The following NAALADL2 variants were observed in gnomAD, a reference collection of about 807,000 sequenced individuals.
NAALADL2 encodes the protein N-acetylated alpha-linked acidic dipeptidase like 2, also known as inactive N-acetylated-alpha-linked acidic dipeptidase-like protein 2.
A neutral mutation model predicts 87.2 loss-of-function variants in NAALADL2; 76 were observed. The observed-to-expected ratio is 0.87, with a 90% CI of 0.72 to 1.05. NAALADL2 has a LOEUF of 1.05. Ranked by LOEUF, NAALADL2 falls within the 50% of genes least tolerant of loss-of-function variation. The pLI, the probability that NAALADL2 is intolerant of heterozygous loss-of-function variation, is 0.00. For synonymous variants in NAALADL2, 354 were observed against 331.0 expected, an observed-to-expected ratio of 1.07 and a Z score of -0.75; for missense variants, 1,089 against 945.8, an observed-to-expected ratio of 1.15 and a Z score of -1.99.
chr3:175,698,406 TTTATGTATGTATAC>T (rs1738383570), intron 11 of NAALADL2, among the ~76,000 whole-genome samples: 1 of 84,754 alleles, frequency 1.2e-5, no homozygotes, highest in African/African-American at 1.1e-4. Context: ...TGTATGTGTA[TTTATGTATGTATAC>T]ATATGTATGT....
At chr3:175,571,203 A>G (rs1320288832) in intron 9 of NAALADL2, among the ~76,000 whole-genome samples, 2 of 152,176 alleles carry the variant, frequency 1.3e-5, no homozygotes, top group Non-Finnish European at 2.9e-5. Flanking sequence ...TTAAAACTGT[A>G]CTTGCAAAGA....
chr3:175,626,679 G>T (rs953223462), intron 10 of NAALADL2, among the ~76,000 whole-genome samples: 1 of 151,662 alleles, frequency 6.6e-6, no homozygotes, highest in Non-Finnish European at 1.5e-5. Context: ...GACTCCCATG[G>T]AATAACAGTT....
chr3:175,199,858 ATATATATTTTTTTTTTTT>A (rs1212816293), intron 2 of NAALADL2, among the ~76,000 whole-genome samples: 56 of 17,698 alleles, frequency 3.2e-3, no homozygotes, highest in Admixed American at 9.2e-3. Context: ...ATATATATAT[ATATATATTTTTTTTTTTT>A]TTTTTTTTTT....
intron 10 of NAALADL2, among the ~76,000 whole-genome samples, chr3:175,588,173 A>T (rs1720823681): frequency 6.6e-6 from 1 of 152,060 alleles, no homozygotes; most frequent in Non-Finnish European, 1.5e-5. Context: ...AAGTATGTAT[A>T]TTCTTTAATA....
chr3:174,544,656 C>T (rs531499170), intron 1 of NAALADL2, among the ~76,000 whole-genome samples: 8 of 149,704 alleles, frequency 5.3e-5, no homozygotes, highest in East Asian at 2.0e-4. Flanking sequence ...CTGCAACCTC[C>T]GTCTCCAGGG....
intron 2 of NAALADL2, among the ~76,000 whole-genome samples, chr3:174,734,615 C>T (rs1010051641): frequency 3.9e-5 from 6 of 152,084 alleles, no homozygotes; most frequent in East Asian, 1.9e-4. Context: ...CACCAACATC[C>T]GGTCCATAAC....
chr3:175,098,867 C>A (rs764460509), intron 2 of NAALADL2, among the ~76,000 whole-genome samples: 3 of 148,266 alleles, frequency 2.0e-5, no homozygotes, highest in Non-Finnish European at 4.5e-5. Context: ...GCATTAATTT[C>A]TTTTTAATGG....
At chr3:174,707,121 C>T (rs1306776083) in intron 2 of NAALADL2, among the ~76,000 whole-genome samples, 5 of 152,140 alleles carry the variant, frequency 3.3e-5, no homozygotes, top group Non-Finnish European at 5.9e-5. Flanking sequence ...GTTAGAATGG[C>T]AGTCATTAAA....
chr3:174,601,874 GT>G, intron 2 of NAALADL2, among the ~76,000 whole-genome samples: 1 of 152,114 alleles, frequency 6.6e-6, no homozygotes, highest in East Asian at 1.9e-4. Context: ...GGATATCTAG[GT>G]TTTCTAACAC....
At chr3:174,609,327 G>A (rs1296843411) in intron 2 of NAALADL2, among the ~76,000 whole-genome samples, 3 of 152,210 alleles carry the variant, frequency 2.0e-5, no homozygotes, top group African/African-American at 4.8e-5. Flanking sequence ...AATTACGCAG[G>A]AGAAGGAAAT....
intron 4 of NAALADL2, among the ~76,000 whole-genome samples, chr3:175,289,750 CAGG>C (rs1327354886): frequency 6.6e-6 from 1 of 152,012 alleles, no homozygotes; most frequent in Non-Finnish European, 1.5e-5. Context: ...CACTTGAGCC[CAGG>C]AGTTTGAATC....
intron 2 of NAALADL2, among the ~76,000 whole-genome samples, chr3:174,616,570 G>A (rs1720478471): frequency 6.6e-6 from 1 of 151,844 alleles, no homozygotes; most frequent in South Asian, 2.1e-4. Flanking sequence ...ATAGAATAAT[G>A]TAGGAAGCTG....
intron 5 of NAALADL2, among the ~76,000 whole-genome samples, chr3:175,383,825 T>C (rs1054377359): frequency 2.3e-4 from 35 of 152,098 alleles, no homozygotes; most frequent in Admixed American, 1.6e-3. Context: ...TAGTTTACTA[T>C]GTGTTTATAT....
chr3:175,280,033 T>TAA (rs5854623), intron 4 of NAALADL2, among the ~76,000 whole-genome samples: 1 of 148,402 alleles, frequency 6.7e-6, no homozygotes, highest in African/African-American at 2.5e-5. Context: ...CACTCCACTT[T>TAA]AAAAAAAAAA....
At chr3:174,453,902 T>C (rs2108277767) in intron 1 of NAALADL2, among the ~76,000 whole-genome samples, 1 of 152,256 alleles carries the variant, frequency 6.6e-6, no homozygotes, top group African/African-American at 2.4e-5. Flanking sequence ...TCAAATTTCC[T>C]CATATCAATA....
intron 4 of NAALADL2, among the ~76,000 whole-genome samples, chr3:175,304,812 T>C (rs1231689490): frequency 6.6e-6 from 1 of 152,248 alleles, no homozygotes; most frequent in Non-Finnish European, 1.5e-5. Flanking sequence ...CTTTTCAGAC[T>C]CATAAATTTT....
chr3:175,666,439 G>A (rs940429788), intron 11 of NAALADL2, among the ~76,000 whole-genome samples: 3 of 152,106 alleles, frequency 2.0e-5, no homozygotes, highest in African/African-American at 7.2e-5. Flanking sequence ...ATCACTTGTA[G>A]TATAGAGACA....
At chr3:175,070,301 G>A (rs899784479) in intron 1 of NAALADL2, among the ~76,000 whole-genome samples, 1 of 148,200 alleles carries the variant, frequency 6.7e-6, no homozygotes, top group Non-Finnish European at 1.5e-5. Flanking sequence ...TTTAGGATTC[G>A]AACATAGAAT....
chr3:175,050,829 A>G (rs73038444), intron 1 of NAALADL2, among the ~76,000 whole-genome samples: 1,843 of 152,314 alleles, frequency 0.012, 40 homozygotes, highest in African/African-American at 0.042. Flanking sequence ...TGCACATAAG[A>G]GTTAATGTAG....
Sources: allele counts gnomAD v4.1 joint callset (sites outside exome capture counted in the v4.1 genomes callset), GRCh38; gene constraint gnomAD v4.1.1; transcripts MANE v1.5; gene names NCBI Gene and HGNC (gene_info 2026-07-23, HGNC 2026-07-21).